The following SEC11A variants were observed in gnomAD, a reference collection of about 807,000 sequenced individuals.
SEC11A encodes the protein signal peptidase complex catalytic subunit SEC11A.
SEC11A carries 14 observed loss-of-function variants against 25.6 expected under a neutral mutation model. That is an observed-to-expected ratio of 0.55 (90% confidence interval 0.36 to 0.85). SEC11A has a LOEUF of 0.85. SEC11A is among the 40% of genes least tolerant of loss of function. The probability of loss-of-function intolerance (pLI) is 0.01; values close to 1 mark genes in which losing one functional copy is unlikely to be tolerated. For synonymous variants in SEC11A, 83 were observed against 76.4 expected (o/e 1.09, Z -0.45); for missense variants, 153 against 222.9 (o/e 0.69, Z 2.00).
intron 3 of SEC11A, 85 bp downstream of exon 3, chr15:84,687,540 T>C (rs1482987601): frequency 2.5e-5 from 29 of 1,179,572 alleles, no homozygotes; most frequent in Non-Finnish European, 3.2e-5. Flanking sequence ...CTCACTGTTT[T>C]ACAATCTTTA....
At chr15:84,703,114 G>A (rs920535781) in intron 1 of SEC11A, among the ~76,000 whole-genome samples, 2 of 152,128 alleles carry the variant, frequency 1.3e-5, no homozygotes, top group Admixed American at 6.5e-5. Context: ...TTGGGATTGG[G>A]GACAAAGCTA....
At chr15:84,683,027 C>T (rs970067798) in intron 3 of SEC11A, among the ~76,000 whole-genome samples, 3 of 151,752 alleles carry the variant, frequency 2.0e-5, no homozygotes, top group Admixed American at 2.0e-4. Flanking sequence ...GGAGGTGTTG[C>T]AAACACCAAA....
intron 3 of SEC11A, among the ~76,000 whole-genome samples, chr15:84,684,095 G>A (rs1897352203): frequency 6.6e-6 from 1 of 152,196 alleles, no homozygotes; most frequent in South Asian, 2.1e-4. Context: ...CCATCTGCAT[G>A]GGAAAAGCAA....
intron 1 of SEC11A, among the ~76,000 whole-genome samples, chr15:84,714,303 C>G (rs1224333610): frequency 1.3e-5 from 2 of 152,166 alleles, no homozygotes; most frequent in Admixed American, 6.5e-5. Flanking sequence ...CGTGAGCCAC[C>G]GCACCCAGTC....
intron 1 of SEC11A, among the ~76,000 whole-genome samples, chr15:84,692,552 C>T (rs1897641747): frequency 6.6e-6 from 1 of 152,158 alleles, no homozygotes; most frequent in Admixed American, 6.6e-5. Context: ...CTTGAATAAA[C>T]AGATAAAACA....
intron 1 of SEC11A, 79 bp downstream of exon 1, chr15:84,715,946 C>G (rs570591403): frequency 7.2e-7 from 1 of 1,379,596 alleles, no homozygotes; most frequent in East Asian, 2.4e-5. Flanking sequence ...CACCAGAACC[C>G]TGGGGTCCGC....
chr15:84,705,717 T>C lies in SEC11A; in HGVS notation c.51+10308A>G, dbSNP rs190482444. Among the ~76,000 whole-genome samples the C allele has an allele frequency of 3.9e-3, 596 of 151,368 alleles. 2 individuals carry two copies. The highest frequency in any genetic ancestry group is 0.014 in the African/African-American group (568 of 41,302). ...TAAAAATACAAAAATTAGCCAGGCGTGGTGGTGTGCATCTGTAGTCCCAGC... is the reference window on the plus strand; with the variant it reads ...TAAAAATACAAAAATTAGCCAGGCGCGGTGGTGTGCATCTGTAGTCCCAGC... On this transcript the variant is annotated intron_variant, in intron 1 of 5. Coordinates refer to ENST00000268220, the MANE Select transcript of SEC11A (RefSeq NM_014300.4).
chr15:84,676,112 C>T (rs1180695135), intron 4 of SEC11A, among the ~76,000 whole-genome samples: 3 of 152,220 alleles, frequency 2.0e-5, no homozygotes, highest in South Asian at 4.1e-4. Flanking sequence ...TATACTGAAA[C>T]CCACTGAATT....
intron 1 of SEC11A, 36 bp from the exon 2 acceptor site, chr15:84,691,680 T>A: frequency 8.2e-7 from 1 of 1,219,182 alleles, no homozygotes; most frequent in Non-Finnish European, 1.2e-6. Flanking sequence ...AGATCCACCA[T>A]TATCCCCACT....
chr15:84,702,679 A>G (rs1001493256), intron 1 of SEC11A, among the ~76,000 whole-genome samples: 7 of 152,136 alleles, frequency 4.6e-5, no homozygotes, highest in African/African-American at 1.7e-4. Context: ...CAATTCCTTG[A>G]TACCAACTAC....
At chr15:84,703,347 T>C (rs1169928564) in intron 1 of SEC11A, among the ~76,000 whole-genome samples, 2 of 152,164 alleles carry the variant, frequency 1.3e-5, no homozygotes, top group Admixed American at 6.6e-5. Flanking sequence ...TACAGAAGAC[T>C]GGGCTCAAGC....
At chr15:84,706,536 A>G (rs1389332471) in intron 1 of SEC11A, among the ~76,000 whole-genome samples, 3 of 152,218 alleles carry the variant, frequency 2.0e-5, no homozygotes, top group Non-Finnish European at 2.9e-5. Context: ...AAAGAAGGGT[A>G]GGTCACCCCA....
At chr15:84,692,023 T>TC (rs1567039390) in intron 1 of SEC11A, 1 of 88,494 alleles carries the variant, frequency 1.1e-5, no homozygotes, top group African/African-American at 4.8e-5. Context: ...TTTTTCTTTT[T>TC]CTTTTTTTTT....
intron 3 of SEC11A, among the ~76,000 whole-genome samples, chr15:84,684,384 T>C (rs1375010009): frequency 6.6e-6 from 1 of 152,194 alleles, no homozygotes; most frequent in Non-Finnish European, 1.5e-5. Context: ...GGAGATCCCC[T>C]GCACATGACC....
At chr15:84,696,904 C>A (rs1463180323) in intron 1 of SEC11A, among the ~76,000 whole-genome samples, 1 of 151,774 alleles carries the variant, frequency 6.6e-6, no homozygotes, top group Admixed American at 6.6e-5. Context: ...AAATGCCCAC[C>A]GGGTGCAATG....
intron 1 of SEC11A, among the ~76,000 whole-genome samples, chr15:84,712,541 AGGTT>A (rs1223531684): frequency 6.8e-6 from 1 of 146,142 alleles, no homozygotes; most frequent in Non-Finnish European, 1.5e-5. Context: ...TCTGCCTCCC[AGGTT>A]GAAGCAATTC....
intron 3 of SEC11A, chr15:84,686,012 G>C (rs1897412866): frequency 6.6e-6 from 1 of 151,854 alleles, no homozygotes; most frequent in Non-Finnish European, 1.5e-5. Flanking sequence ...ATGTTGGCAA[G>C]GCTGGTCTTG....
At chr15:84,707,333 G>A (rs910376063) in intron 1 of SEC11A, among the ~76,000 whole-genome samples, 6 of 151,826 alleles carry the variant, frequency 4.0e-5, no homozygotes, top group African/African-American at 1.5e-4. Flanking sequence ...CTACAGGCAT[G>A]CGCCACCAGG....
At chr15:84,673,357 G>A (rs1205404928) in intron 4 of SEC11A, 1 of 185,692 alleles carries the variant, frequency 5.4e-6, no homozygotes. Flanking sequence ...TGGTTGCCGT[G>A]TCTGTGTAGA....
Sources: allele counts gnomAD v4.1 joint callset (sites outside exome capture counted in the v4.1 genomes callset), GRCh38; gene constraint gnomAD v4.1.1; transcripts MANE v1.5; gene names NCBI Gene and HGNC (gene_info 2026-07-23, HGNC 2026-07-21).